The following NUP210L variants were observed in gnomAD, a reference collection of about 807,000 sequenced individuals.
The protein encoded by NUP210L is nuclear pore membrane glycoprotein 210-like.
Under a neutral mutation model 208.5 loss-of-function variants are expected in NUP210L, and 74 were observed. The ratio of observed to expected loss-of-function variants is 0.35; its 90% CI spans 0.29 to 0.43. The LOEUF is 0.43. Ranked by LOEUF, NUP210L falls within the 20% of genes least tolerant of loss-of-function variation. The pLI is 1.00. For missense variants in NUP210L, 1,843 were observed against 2,289.4 expected (o/e 0.81, Z 3.98); for synonymous variants, 780 against 816.9 (o/e 0.95, Z 0.77).
intron 4 of NUP210L, 117 bp downstream of exon 4, chr1:154,141,314 A>C: frequency 1.5e-6 from 1 of 682,490 alleles, no homozygotes; most frequent in Non-Finnish European, 2.7e-6. Context: ...TATCAGTTTC[A>C]AAAAAGTAGA....
intron 33 of NUP210L, among the ~76,000 whole-genome samples, chr1:154,013,650 TTTTCTC>T (rs1426105910): frequency 6.6e-6 from 1 of 152,108 alleles, no homozygotes; most frequent in Non-Finnish European, 1.5e-5. Context: ...CTTCAGGACA[TTTTCTC>T]TTTGTCTCTA....
chr1:154,135,358 C>G (rs1172413479), intron 7 of NUP210L, among the ~76,000 whole-genome samples: 3 of 151,916 alleles, frequency 2.0e-5, no homozygotes, highest in Non-Finnish European at 4.4e-5. Flanking sequence ...GAAATTATGA[C>G]AGTAATAACT....
intron 10 of NUP210L, among the ~76,000 whole-genome samples, chr1:154,124,027 A>G (rs1260528281): frequency 6.6e-6 from 1 of 151,370 alleles, no homozygotes. Context: ...TACTAAAAAA[A>G]ATTACAAAAA....
chr1:154,090,066 G>A (rs983479991), intron 15 of NUP210L, among the ~76,000 whole-genome samples: 1 of 151,702 alleles, frequency 6.6e-6, no homozygotes, highest in Admixed American at 6.6e-5. Context: ...AACAGAATGA[G>A]ACCCTGTCTA....
At chr1:154,063,814 A>G (rs1448811692) in intron 17 of NUP210L, among the ~76,000 whole-genome samples, 1 of 152,046 alleles carries the variant, frequency 6.6e-6, no homozygotes, top group Non-Finnish European at 1.5e-5. Flanking sequence ...TAAGAGAGAT[A>G]TTCAGACTTG....
chr1:154,062,567 C>CTTTTTTTTTTTTT (rs34499821), intron 17 of NUP210L, among the ~76,000 whole-genome samples: 150 of 74,994 alleles, frequency 2.0e-3, no homozygotes, highest in Middle Eastern at 0.027. Flanking sequence ...TTTCTTTTTC[C>CTTTTTTTTTTTTT]TTTTTTTTTT....
intron 10 of NUP210L, among the ~76,000 whole-genome samples, chr1:154,120,592 A>G (rs2148104131): frequency 6.6e-6 from 1 of 151,400 alleles, no homozygotes; most frequent in East Asian, 1.9e-4. Flanking sequence ...AAACCTGCAC[A>G]TTGTGCACAT....
chr1:154,040,430 A>G (rs896294837), intron 27 of NUP210L, among the ~76,000 whole-genome samples: 1 of 151,840 alleles, frequency 6.6e-6, no homozygotes, highest in Non-Finnish European at 1.5e-5. Context: ...AAGGAAGAAG[A>G]AGGAGGAGGA....
At chr1:154,005,006 A>T (rs1410992327) in intron 35 of NUP210L, among the ~76,000 whole-genome samples, 1 of 148,472 alleles carries the variant, frequency 6.7e-6, no homozygotes, top group African/African-American at 2.5e-5. Flanking sequence ...GGTGTGTGCC[A>T]CCACGCCCAG....
chr1:154,025,724 A>G lies in NUP210L; in HGVS notation c.3948-8T>C. The G allele has an allele frequency of 6.2e-7, 1 of 1,609,000 alleles. No homozygotes were observed. The highest frequency in any genetic ancestry group is 8.5e-7 in the Non-Finnish European group (1 of 1,176,950). Reference sequence around the variant, plus strand: ...ACGAAGGCAGCTCCTTCCCTAGGGAACAAGGAAAGGAAGTGGCATCTTTTT... The same window carrying G: ...ACGAAGGCAGCTCCTTCCCTAGGGAGCAAGGAAAGGAAGTGGCATCTTTTT... On this transcript the variant is annotated splice_polypyrimidine_tract_variant and splice_region_variant and intron_variant, in intron 29 of 39. Transcript: ENST00000368559.
At chr1:154,151,177 ATGTTTT>A (rs1293411615) in intron 2 of NUP210L, among the ~76,000 whole-genome samples, 1 of 151,448 alleles carries the variant, frequency 6.6e-6, no homozygotes, top group Non-Finnish European at 1.5e-5. Context: ...GACCAAATCA[ATGTTTT>A]TTGTTTTTTC....
intron 7 of NUP210L, among the ~76,000 whole-genome samples, chr1:154,130,853 G>A (rs1229845625): frequency 6.6e-6 from 1 of 151,980 alleles, no homozygotes; most frequent in Non-Finnish European, 1.5e-5. Context: ...TCAAAGTGCT[G>A]GGGTTACATG....
rs1650166710 is a variant in NUP210L, at chr1:154,000,828, A to C, written c.5386+28T>G. Reference sequence around the variant, plus strand: ...CATTCTTTCTTCTTTTCCTCTCTAGATTATAAATAGGAATCTCTGATGCTT... The same window carrying C: ...CATTCTTTCTTCTTTTCCTCTCTAGCTTATAAATAGGAATCTCTGATGCTT... On this transcript the variant is annotated intron_variant, in intron 37 of 39. Transcript: ENST00000368559. 1.9e-6 allele frequency: 3 copies of C among 1,585,868 alleles called. No homozygotes were observed. The South Asian group carries it at 3.3e-5, about 18-fold the overall frequency.
intron 17 of NUP210L, among the ~76,000 whole-genome samples, chr1:154,065,658 C>T (rs1340260103): frequency 6.6e-6 from 1 of 151,672 alleles, no homozygotes; most frequent in Non-Finnish European, 1.5e-5. Flanking sequence ...TTTGGGAGGC[C>T]GAGGCAGGTG....
chr1:154,110,522 G>A lies in NUP210L; in HGVS notation c.1621-6312C>T, dbSNP rs560447506. Among the ~76,000 whole-genome samples, 38 of 151,232 alleles carry A rather than the reference G, an allele frequency of 2.5e-4. 1 individual carries two copies. The highest frequency in any genetic ancestry group is 8.3e-4 in the African/African-American group (34 of 40,790). ...CTTGATCTTGTGATCCACCTGCCTC[G>A]GCCTCCCAAATTGCTGGGATTACAG... On this transcript the variant is annotated intron_variant, in intron 12 of 39. Coordinates refer to ENST00000368559, the Ensembl canonical transcript of NUP210L.
intron 15 of NUP210L, among the ~76,000 whole-genome samples, chr1:154,090,732 A>T (rs1363019738): frequency 3.3e-5 from 5 of 151,924 alleles, no homozygotes; most frequent in Non-Finnish European, 5.9e-5. Flanking sequence ...AATCACTTGA[A>T]CCCGGGAGGC....
At chr1:154,115,778 G>C (rs1165408690) in intron 12 of NUP210L, among the ~76,000 whole-genome samples, 1 of 151,966 alleles carries the variant, frequency 6.6e-6, no homozygotes, top group Non-Finnish European at 1.5e-5. Flanking sequence ...TGTTCACTGA[G>C]TGATGGCAAA....
At chr1:154,017,296 A>G (rs1651311441) in intron 33 of NUP210L, among the ~76,000 whole-genome samples, 1 of 139,462 alleles carries the variant, frequency 7.2e-6, no homozygotes, top group African/African-American at 2.5e-5. Context: ...AAAAAAAAAA[A>G]AGGGGGGGGC....
intron 32 of NUP210L, among the ~76,000 whole-genome samples, chr1:154,021,772 C>A (rs1651579553): frequency 6.6e-6 from 1 of 152,124 alleles, no homozygotes; most frequent in Non-Finnish European, 1.5e-5. Flanking sequence ...ATCCAATAGA[C>A]TCTTGATCAA....
Sources: allele counts gnomAD v4.1 joint callset (sites outside exome capture counted in the v4.1 genomes callset), GRCh38; gene constraint gnomAD v4.1.1; transcripts MANE v1.5; gene names NCBI Gene and HGNC (gene_info 2026-07-23, HGNC 2026-07-21).